FGF14: variants seen among roughly 807,000 people sequenced by gnomAD.
The protein encoded by FGF14 is fibroblast growth factor homologous factor 4.
In FGF14, 5 loss-of-function variants were observed where a neutral mutation model predicts 25.5. The ratio of observed to expected loss-of-function variants is 0.20; its 90% CI spans 0.10 to 0.41. FGF14 has a LOEUF of 0.41. FGF14 is among the 10% of genes least tolerant of loss of function. The pLI, the probability that FGF14 is intolerant of heterozygous loss-of-function variation, is 1.00. For synonymous variants in FGF14, 138 were observed against 118.3 expected (o/e 1.17, Z -1.08); for missense variants, 222 against 320.1 (o/e 0.69, Z 2.34).
rs191104065 is a variant in FGF14, at chr13:101,726,824, A to G, written c.409-14T>C. The stretch of plus-strand genomic sequence containing the variant: ...GGTAAAAAGTTCCTGTGGAGAGAAA[A>G]TGAAACAAAAGTTAGAGGAAGGAAC... On this transcript the variant is annotated splice_polypyrimidine_tract_variant and intron_variant, in intron 3 of 4. Transcript: ENST00000376143. 50 of 1,587,130 alleles carry G rather than the reference A, an allele frequency of 3.2e-5. No homozygotes were observed. In the Admixed American group the frequency reaches 8.1e-4, roughly 26 times the overall value.
At chr13:102,102,385 T>C (rs2044703910) in intron 1 of FGF14, among the ~76,000 whole-genome samples, 1 of 152,156 alleles carries the variant, frequency 6.6e-6, no homozygotes. Context: ...GCAATGTAAG[T>C]CAGAAAAATG....
chr13:101,805,265 A>G (rs1400464395), intron 3 of FGF14, among the ~76,000 whole-genome samples: 1 of 152,178 alleles, frequency 6.6e-6, no homozygotes, highest in East Asian at 1.9e-4. Context: ...AACAAGGTTG[A>G]AAATACAAAA....
intron 1 of FGF14, among the ~76,000 whole-genome samples, chr13:102,385,451 C>T (rs907067469): frequency 6.6e-6 from 1 of 152,148 alleles, no homozygotes; most frequent in Non-Finnish European, 1.5e-5. Flanking sequence ...AAACCTGATA[C>T]AGGAAACAGA....
At chr13:101,996,201 T>C (rs2039175513) in intron 1 of FGF14, among the ~76,000 whole-genome samples, 1 of 152,102 alleles carries the variant, frequency 6.6e-6, no homozygotes, top group African/African-American at 2.4e-5. Context: ...AAGGGAAAGC[T>C]TTTTGTGTTT....
At chr13:102,349,832 C>A (rs557200652) in intron 1 of FGF14, among the ~76,000 whole-genome samples, 2 of 152,222 alleles carry the variant, frequency 1.3e-5, no homozygotes, top group South Asian at 2.1e-4. Context: ...TGTGGTGCAA[C>A]AAATCTATAA....
chr13:101,768,394 C>T (rs2038544365), intron 3 of FGF14, among the ~76,000 whole-genome samples: 1 of 152,128 alleles, frequency 6.6e-6, no homozygotes, highest in African/African-American at 2.4e-5. Context: ...TCAGTTATTT[C>T]CAACTTGATC....
intron 2 of FGF14, among the ~76,000 whole-genome samples, chr13:101,870,026 G>C (rs1052084472): frequency 2.6e-5 from 4 of 152,128 alleles, no homozygotes; most frequent in Non-Finnish European, 5.9e-5. Flanking sequence ...CCTCAGGCCA[G>C]AGCCATGAAT....
chr13:101,880,053 A>G (rs1193659862), intron 1 of FGF14, among the ~76,000 whole-genome samples: 4 of 152,136 alleles, frequency 2.6e-5, no homozygotes, highest in Non-Finnish European at 4.4e-5. Context: ...ATTACATTGA[A>G]TTTCCTTTAT....
chr13:102,173,497 A>C (rs2140693484), intron 1 of FGF14, among the ~76,000 whole-genome samples: 1 of 152,318 alleles, frequency 6.6e-6, no homozygotes, highest in Non-Finnish European at 1.5e-5. Context: ...AGAGGTACTG[A>C]AATCAGTATC....
chr13:101,775,741 T>A lies in FGF14; in HGVS notation c.409-48931A>T, dbSNP rs932816043. Among the ~76,000 whole-genome samples the A allele has an allele frequency of 3.3e-5, 5 of 152,092 alleles. 1 individual carries two copies. The highest frequency in any genetic ancestry group is 2.9e-5 in the Non-Finnish European group (2 of 68,018). On this transcript the variant is annotated intron_variant, in intron 3 of 4. Coordinates refer to ENST00000376143, the MANE Select transcript of FGF14 (RefSeq NM_004115.4). ...GTTGGCAGGTAATGTGAAATGAAAT[T>A]GGAAGGGTGAGGAGGCTGTGTTCCC...
chr13:101,944,923 G>T (rs2035706952), intron 1 of FGF14, among the ~76,000 whole-genome samples: 1 of 152,174 alleles, frequency 6.6e-6, no homozygotes, highest in Admixed American at 6.5e-5. Flanking sequence ...TGGGTTCAGA[G>T]TTTTGGTTTT....
At chr13:102,191,189 A>C (rs547910377) in intron 1 of FGF14, among the ~76,000 whole-genome samples, 1 of 152,208 alleles carries the variant, frequency 6.6e-6, no homozygotes, top group Non-Finnish European at 1.5e-5. Flanking sequence ...CATCCATGGT[A>C]ATTGCTTAAT....
At chr13:102,197,808 A>T (rs1023336468) in intron 1 of FGF14, among the ~76,000 whole-genome samples, 4 of 152,202 alleles carry the variant, frequency 2.6e-5, no homozygotes, top group Non-Finnish European at 5.9e-5. Flanking sequence ...ATAGTTTTAG[A>T]TCATTACAAA....
intron 3 of FGF14, among the ~76,000 whole-genome samples, chr13:101,751,446 C>T (rs552923268): frequency 6.6e-6 from 1 of 152,052 alleles, no homozygotes; most frequent in Non-Finnish European, 1.5e-5. Flanking sequence ...GCAGAACTGT[C>T]GTAGGTGCTG....
chr13:101,767,233 T>C (rs1378876225), intron 3 of FGF14, among the ~76,000 whole-genome samples: 3 of 152,216 alleles, frequency 2.0e-5, no homozygotes, highest in African/African-American at 7.2e-5. Context: ...TGTTCTATTG[T>C]ACAGAGCTGT....
At chr13:101,869,464 T>TA (rs2044923075) in intron 2 of FGF14, among the ~76,000 whole-genome samples, 1 of 152,228 alleles carries the variant, frequency 6.6e-6, no homozygotes, top group Non-Finnish European at 1.5e-5. Context: ...AAGCATTTTA[T>TA]ATATTTTTGC....
At chr13:101,781,264 T>C (rs2140030652) in intron 3 of FGF14, among the ~76,000 whole-genome samples, 1 of 152,342 alleles carries the variant, frequency 6.6e-6, no homozygotes, top group East Asian at 1.9e-4. Flanking sequence ...TTCAAAGAGT[T>C]TATCACTGCC....
chr13:101,777,022 A>C (rs1053694986), intron 3 of FGF14, among the ~76,000 whole-genome samples: 2 of 151,976 alleles, frequency 1.3e-5, no homozygotes, highest in Non-Finnish European at 2.9e-5. Flanking sequence ...ACTCCCAAAG[A>C]CCTTTGTTAT....
intron 1 of FGF14, among the ~76,000 whole-genome samples, chr13:102,352,766 C>G (rs948385229): frequency 6.7e-6 from 1 of 148,338 alleles, no homozygotes; most frequent in Non-Finnish European, 1.5e-5. Context: ...GAGCCGAGAT[C>G]GCGCCACTGC....
Sources: gnomAD v4.1 joint callset for allele counts (sites outside exome capture counted in the v4.1 genomes callset) on GRCh38, gnomAD v4.1.1 for gene constraint, MANE v1.5 for transcripts, NCBI Gene and HGNC (gene_info 2026-07-23, HGNC 2026-07-21) for gene names.